The following UNC13A variants were observed in gnomAD, a reference collection of about 807,000 sequenced individuals.
The protein encoded by UNC13A is protein unc-13 homolog A.
In UNC13A, 61 loss-of-function variants were observed where a neutral mutation model predicts 219.7. That is an observed-to-expected ratio of 0.28 (90% CI 0.23 to 0.34). The LOEUF (loss-of-function observed/expected upper bound fraction) is 0.34. UNC13A is among the 10% of genes least tolerant of loss of function. The pLI is 1.00. For missense variants in UNC13A, 1,476 were observed against 2,270.3 expected, an observed-to-expected ratio of 0.65 and a Z score of 7.11; for synonymous variants, 920 against 884.6, an observed-to-expected ratio of 1.04 and a Z score of -0.71.
chr19:17,640,601 G>A lies in UNC13A; in HGVS notation c.2697C>T (p.Thr899=). The change falls in exon 22 of 44, where the codon ACC becomes ACT. Residue 899 remains threonine, a synonymous_variant. Coordinates refer to ENST00000519716, the MANE Select transcript of UNC13A (RefSeq NM_001080421.3). ...MCPGVPAVMS[T]LLANINAYYA... ...AGTAGGCATTGATGTTGGCGAGCAG[G>A]GTGCTCATGACGGCAGGCACCCCTG... 6.3e-7 allele frequency: 1 copy of A among 1,585,396 alleles called. No individual in the cohort carries two copies. Among genetic ancestry groups the A allele is most frequent in the Non-Finnish European group, 8.6e-7 (1 of 1,166,624 alleles).
Position 17,685,923 on chromosome 19 carries a change from T to C in UNC13A, c.22+2255A>G, listed in dbSNP as rs114153724. Among the ~76,000 whole-genome samples the C allele has an allele frequency of 6.0e-3, 906 of 152,010 alleles. 9 individuals carry two copies. The highest frequency in any genetic ancestry group is 0.02 in the African/African-American group (842 of 41,462). On this transcript the variant is annotated intron_variant, in intron 1 of 43. Transcript: ENST00000519716. ...GCCAAGCCCACCCCAACATCTCTCG[T>C]GCTCAGCCATCCCAGCCCCTCCCCT...
At chr19:17,682,177 C>G (rs903347581) in intron 1 of UNC13A, among the ~76,000 whole-genome samples, 2 of 152,138 alleles carry the variant, frequency 1.3e-5, no homozygotes, top group African/African-American at 4.8e-5. Context: ...TGGTCTTGAA[C>G]TCCTGAGCTC....
chr19:17,657,007 T>G (rs1187277027), intron 9 of UNC13A, among the ~76,000 whole-genome samples: 2 of 151,918 alleles, frequency 1.3e-5, no homozygotes, highest in East Asian at 3.9e-4. Context: ...GTATGGGAAA[T>G]GCATCCACTT....
At chr19:17,609,907 G>A (rs766592135) in intron 43 of UNC13A, 33 bp downstream of exon 43, 1 of 1,609,996 alleles carries the variant, frequency 6.2e-7, no homozygotes, top group Non-Finnish European at 8.5e-7. Flanking sequence ...CCCCTCCCTT[G>A]CCCCCATGCT....
chr19:17,655,623 GC>G (rs1938621337), intron 10 of UNC13A, among the ~76,000 whole-genome samples: 1 of 151,900 alleles, frequency 6.6e-6, no homozygotes, highest in Non-Finnish European at 1.5e-5. Flanking sequence ...AGCCCCTCTG[GC>G]CCCCCATTTG....
In UNC13A at chr19:17,648,534, C is replaced by T. The variant is rs768573488; in HGVS notation, c.1713G>A (p.Glu571=). 6 of 1,614,060 alleles carry T rather than the reference C, an allele frequency of 3.7e-6. No homozygotes were observed. Among genetic ancestry groups the T allele is most frequent in the Non-Finnish European group, 5.1e-6 (6 of 1,180,024 alleles). The change falls in exon 16 of 44, where the codon GAG becomes GAA. Residue 571 remains glutamate, a synonymous_variant. Transcript: ENST00000519716. The part of the protein sequence containing the change: ...ATTPTYCYEC[E]GLLWGIARQG... Reference sequence around the variant, plus strand: ...GCCTCGCGATGCCCCACAGCAGCCCCTCGCACTCGTAGCAGTAGGTGGGCG... The same window carrying T: ...GCCTCGCGATGCCCCACAGCAGCCCTTCGCACTCGTAGCAGTAGGTGGGCG...
In UNC13A at chr19:17,627,765, A is replaced by T; in HGVS notation, c.3831+98T>A. 1 of 1,389,422 alleles carries T rather than the reference A, an allele frequency of 7.2e-7. No individual in the cohort carries two copies. The highest frequency in any genetic ancestry group is 9.9e-7 in the Non-Finnish European group (1 of 1,006,814). 86.1% of individuals were successfully genotyped at this position (1,389,422 alleles called of 1,614,324 possible). A position where few individuals can be genotyped will look rare whatever the true frequency, so the allele number is the denominator to read the frequency against. On this transcript the variant is annotated intron_variant, in intron 32 of 43. Transcript: ENST00000519716. This position sits in a 1 kb window ranked among gnomAD's most constrained non-coding sequence, Gnocchi z 4.7. Reference sequence around the variant, plus strand: ...TAAGGCCATGGTTGAGCTGGAATTCATCCCCAGGCCTGGTGGCATATGAGC... The same window carrying T: ...TAAGGCCATGGTTGAGCTGGAATTCTTCCCCAGGCCTGGTGGCATATGAGC...
At chr19:17,619,379 C>T (rs576442579) in intron 38 of UNC13A, among the ~76,000 whole-genome samples, 1 of 152,148 alleles carries the variant, frequency 6.6e-6, no homozygotes, top group Non-Finnish European at 1.5e-5. Flanking sequence ...AAGGAGCATC[C>T]CCTCTGCAGG....
intron 36 of UNC13A, 155 bp downstream of exon 36, chr19:17,623,387 G>A (rs534395863): frequency 0.02 from 7,569 of 383,934 alleles, 141 homozygotes; most frequent in African/African-American, 0.064. Flanking sequence ...CCCATGCCCC[G>A]CCCCAGACAG....
Position 17,611,764 on chromosome 19 carries a change from T to A in UNC13A, c.4650A>T (p.Lys1550Asn). 6.2e-7 allele frequency: 1 copy of A among 1,613,966 alleles called. No homozygotes were observed. Among genetic ancestry groups the A allele is most frequent in the Non-Finnish European group, 8.5e-7 (1 of 1,179,824 alleles). ...PGTGEHKVTV[K>N]VVAANDLKWQ... Reference sequence around the variant, plus strand: ...TCCCTCCCACCTCAGACCACTCACCTTTCACTGTGACCTTGTGTTCCCCAG... The same window carrying A: ...TCCCTCCCACCTCAGACCACTCACCATTCACTGTGACCTTGTGTTCCCCAG... Residue 1550 changes from lysine (K) to asparagine (N), a missense_variant and splice_region_variant, in exon 42 of 44, where the codon AAA becomes AAT. By Grantham distance (94) the Lys-to-Asn change is moderately conservative (BLOSUM62 0). Transcript: ENST00000519716.
At chr19:17,623,267 C>T (rs2076747755) in intron 36 of UNC13A, 1 of 438,552 alleles carries the variant, frequency 2.3e-6, no homozygotes, top group Non-Finnish European at 4.0e-6. Flanking sequence ...AGGTCCGCTG[C>T]GAAGGAGGAG....
chr19:17,647,586 G>C (rs1268460163), intron 16 of UNC13A, 94 bp from the exon 17 acceptor site: 6 of 1,227,972 alleles, frequency 4.9e-6, no homozygotes, highest in Non-Finnish European at 6.8e-6. Context: ...TCAACCGGGG[G>C]GACTCAGGTG....
In UNC13A at chr19:17,627,856, G is replaced by C. The variant is rs2076800283; in HGVS notation, c.3831+7C>G. 2 of 1,597,104 alleles carry C rather than the reference G, an allele frequency of 1.3e-6. No individual in the cohort carries two copies. Among genetic ancestry groups the C allele is most frequent in the Non-Finnish European group, 1.7e-6 (2 of 1,170,622 alleles). ...CCTTCTCCAGCCCTGCCTCGGCCCTGCCTCACCTCCTTTCCTCCCATGGCT... is the reference window on the plus strand; with the variant it reads ...CCTTCTCCAGCCCTGCCTCGGCCCTCCCTCACCTCCTTTCCTCCCATGGCT... On this transcript the variant is annotated splice_region_variant and intron_variant, in intron 32 of 43. Transcript: ENST00000519716. The surrounding 1 kb of genome is among the most constrained non-coding windows in gnomAD (Gnocchi z 4.7).
chr19:17,634,956 C>T (rs1188125725), intron 26 of UNC13A, among the ~76,000 whole-genome samples: 1 of 152,036 alleles, frequency 6.6e-6, no homozygotes, highest in Non-Finnish European at 1.5e-5. Context: ...CTGCAAGCTC[C>T]ACCTCCTGGG....
Position 17,606,041 on chromosome 19 carries a change from C to A in UNC13A, c.*13G>T, listed in dbSNP as rs565905132. On this transcript the variant is annotated 3_prime_UTR_variant, in exon 44 of 44. Transcript: ENST00000519716. ...TCCGCGCAGGCGCAGTGCCGCTCGG[C>A]CGACCGCCCGCGCTAAGGCGCAGGC... is the stretch of plus-strand genomic sequence containing the variant. 9 of 1,494,500 alleles carry A rather than the reference C, an allele frequency of 6.0e-6. No homozygotes were observed. The highest frequency in any genetic ancestry group is 2.6e-5 in the South Asian group (2 of 76,282). The allele number at this position is 1,494,500 out of a possible 1,614,324, so 92.6% of individuals were successfully genotyped here.
intron 22 of UNC13A, 147 bp from the exon 23 acceptor site, chr19:17,640,055 GA>G: frequency 1.2e-6 from 1 of 814,902 alleles, no homozygotes; most frequent in Non-Finnish European, 1.9e-6. Flanking sequence ...TTTGTTTTGA[GA>G]CAGAGTCTTG....
intron 16 of UNC13A, 125 bp downstream of exon 16, chr19:17,648,306 G>C: frequency 2.1e-5 from 8 of 386,320 alleles, no homozygotes; most frequent in South Asian, 8.4e-5. Flanking sequence ...GCCTCACGAC[G>C]CCCCGCCCCT....
At chr19:17,619,149 G>A in intron 38 of UNC13A, 187 bp from the exon 39 acceptor site, 1 of 606,208 alleles carries the variant, frequency 1.6e-6, no homozygotes, top group Admixed American at 2.8e-5. Flanking sequence ...GAAAATCCCG[G>A]TCCTGTGAGG....
Position 17,674,601 on chromosome 19 carries a change from A to G in UNC13A, c.152+56T>C. On this transcript the variant is annotated intron_variant, in intron 3 of 43. Coordinates refer to ENST00000519716, the MANE Select transcript of UNC13A (RefSeq NM_001080421.3). This position sits in a 1 kb window ranked among gnomAD's most constrained non-coding sequence, Gnocchi z 5.0. The stretch of plus-strand genomic sequence containing the variant: ...GTGTCCAGCTCTGCCCTGAGGGGCC[A>G]GCGAGGTGCTGGGCTATGCCAGGGA... 1 of 1,525,562 alleles carries G rather than the reference A, an allele frequency of 6.6e-7. No individual in the cohort carries two copies. Among genetic ancestry groups the G allele is most frequent in the South Asian group, 1.1e-5 (1 of 89,062 alleles). 94.5% of individuals were successfully genotyped at this position (1,525,562 alleles called of 1,614,324 possible). A position where few individuals can be genotyped will look rare whatever the true frequency, so the allele number is the denominator to read the frequency against.
Sources: gnomAD v4.1 joint callset for allele counts (sites outside exome capture counted in the v4.1 genomes callset) on GRCh38, gnomAD v4.1.1 for gene constraint, Gnocchi (gnomAD v3.1) non-coding constraint, MANE v1.5 for transcripts, NCBI Gene and HGNC (gene_info 2026-07-23, HGNC 2026-07-21) for gene names.